The following STK32A variants were observed in gnomAD, a reference collection of about 807,000 sequenced individuals.
STK32A encodes the protein serine/threonine kinase 32A, also known as serine/threonine-protein kinase 32A.
A neutral mutation model predicts 53.2 loss-of-function variants in STK32A; 41 were observed. The ratio of observed to expected loss-of-function variants is 0.77; its 90% CI spans 0.60 to 1.00. The LOEUF is 1.00. STK32A is among the 50% of genes least tolerant of loss of function. The probability of loss-of-function intolerance (pLI) is 0.00; values close to 1 mark genes in which losing one functional copy is unlikely to be tolerated. For synonymous variants in STK32A, 166 were observed against 162.8 expected (o/e 1.02, Z -0.15); for missense variants, 458 against 485.8 (o/e 0.94, Z 0.54).
intron 7 of STK32A, among the ~76,000 whole-genome samples, chr5:147,358,116 A>G (rs746746456): frequency 2.0e-5 from 3 of 152,086 alleles, no homozygotes; most frequent in Non-Finnish European, 4.4e-5. Flanking sequence ...ACCAAAATTT[A>G]ATACCCACGT....
chr5:147,329,739 A>C (rs1183736150), intron 5 of STK32A, among the ~76,000 whole-genome samples: 1 of 152,192 alleles, frequency 6.6e-6, no homozygotes, highest in Non-Finnish European at 1.5e-5. Context: ...TTCTATATAA[A>C]AAGCTGTCTC....
At chr5:147,344,272 G>A (rs929726439) in intron 6 of STK32A, among the ~76,000 whole-genome samples, 1 of 152,138 alleles carries the variant, frequency 6.6e-6, no homozygotes, top group Non-Finnish European at 1.5e-5. Flanking sequence ...TGCTCAGGGG[G>A]CTAAGAAACA....
At chr5:147,394,702 C>T in the STK32A span, among the ~76,000 whole-genome samples, 1 of 151,446 alleles carries the variant, frequency 6.6e-6, no homozygotes, top group African/African-American at 2.4e-5. Context: ...AAGGCAAAAA[C>T]TTTGAAAAAA....
Position 147,350,036 on chromosome 5 carries a change from G to A in STK32A, c.473-1029G>A, listed in dbSNP as rs142851271. 1.2e-3 allele frequency among the ~76,000 whole-genome samples: 188 copies of A among 151,830 alleles called. 1 individual carries two copies. Among genetic ancestry groups the A allele is most frequent in the African/African-American group, 4.3e-3 (178 of 41,400 alleles). The stretch of plus-strand genomic sequence containing the variant: ...TGAGGCAGGAGAATCACTTGAACCC[G>A]GGAGGCGGAGATTGCAGTGAGCCGA... On this transcript the variant is annotated intron_variant, in intron 6 of 12. Coordinates refer to ENST00000397936, the MANE Select transcript of STK32A (RefSeq NM_001112724.2).
At chr5:147,280,421 G>T (rs1396351035) in intron 4 of STK32A, among the ~76,000 whole-genome samples, 4 of 102,068 alleles carry the variant, frequency 3.9e-5, no homozygotes, top group Non-Finnish European at 6.2e-5. Flanking sequence ...GGGGAGGGGG[G>T]TTGGGGATGG....
intron 4 of STK32A, among the ~76,000 whole-genome samples, chr5:147,314,534 A>C (rs1250274293): frequency 2.2e-5 from 3 of 137,348 alleles, no homozygotes; most frequent in East Asian, 2.1e-4. Context: ...AAACAAAAAA[A>C]AAAAAAGAAC....
chr5:147,336,877 C>A (rs1271190143), intron 5 of STK32A, among the ~76,000 whole-genome samples: 2 of 152,124 alleles, frequency 1.3e-5, no homozygotes, highest in Non-Finnish European at 2.9e-5. Flanking sequence ...ATCTGAGAGA[C>A]TGTTATGTGG....
At chr5:147,364,131 C>G (rs1285237943) in intron 8 of STK32A, among the ~76,000 whole-genome samples, 1 of 147,624 alleles carries the variant, frequency 6.8e-6, no homozygotes, top group Non-Finnish European at 1.5e-5. Flanking sequence ...AGGAGAATCA[C>G]TTGAACCTGG....
intron 7 of STK32A, among the ~76,000 whole-genome samples, chr5:147,360,541 T>C (rs894126480): frequency 6.6e-6 from 1 of 151,866 alleles, no homozygotes; most frequent in African/African-American, 2.4e-5. Context: ...TTGTTCTGCT[T>C]TTGCTGTTTC....
intron 4 of STK32A, among the ~76,000 whole-genome samples, chr5:147,310,515 C>T (rs1380520218): frequency 1.3e-5 from 2 of 152,190 alleles, no homozygotes; most frequent in Admixed American, 6.5e-5. Context: ...CGCCGGGCAC[C>T]TCTCCCACGC....
chr5:147,394,080 G>A, the STK32A span: 8 of 1,614,154 alleles, frequency 5.0e-6, no homozygotes, highest in Admixed American at 8.3e-5. Context: ...GGGGCGCCAC[G>A]ATGCGCTTGC....
chr5:147,394,292 T>C, the STK32A span, among the ~76,000 whole-genome samples: 1 of 152,320 alleles, frequency 6.6e-6, no homozygotes. Flanking sequence ...TTCTAGACTT[T>C]TCTTATGGCC....
intron 2 of STK32A, among the ~76,000 whole-genome samples, chr5:147,270,221 A>T (rs564448791): frequency 9.2e-5 from 14 of 152,124 alleles, no homozygotes; most frequent in Non-Finnish European, 1.9e-4. Context: ...TACTGAAAAA[A>T]AATCTGAGAC....
At chr5:147,252,609 G>A (rs575652693) in intron 2 of STK32A, among the ~76,000 whole-genome samples, 1 of 152,248 alleles carries the variant, frequency 6.6e-6, no homozygotes, top group East Asian at 1.9e-4. Flanking sequence ...TACAATTATA[G>A]AAGGAATGCA....
chr5:147,271,212 A>G (rs1208235206), intron 2 of STK32A, among the ~76,000 whole-genome samples: 3 of 152,188 alleles, frequency 2.0e-5, no homozygotes, highest in East Asian at 3.8e-4. Context: ...TAATACTTTT[A>G]TAATTTCTTA....
At chr5:147,395,439 A>T in the STK32A span, 1 of 1,232,976 alleles carries the variant, frequency 8.1e-7, no homozygotes, top group Non-Finnish European at 1.1e-6. Context: ...CCTAAAGTTG[A>T]CACCAGTGCT....
chr5:147,332,605 G>A (rs1196492048), intron 5 of STK32A, among the ~76,000 whole-genome samples: 1 of 152,084 alleles, frequency 6.6e-6, no homozygotes, highest in Non-Finnish European at 1.5e-5. Context: ...TCTGTGGAGT[G>A]CTTAAGAAAA....
At position 147,373,261 on chromosome 5, in the gene STK32A, T is replaced by C. The variant is rs776161157; in HGVS notation, c.870T>C (p.Phe290=). The C allele has an allele frequency of 6.2e-6, 10 of 1,613,302 alleles. No homozygotes were observed. The African/African-American group carries it at 6.7e-5, about 11-fold the overall frequency. Residue 290 remains phenylalanine (F), a synonymous_variant, in exon 10 of 13, where the codon TTT becomes TTC. Coordinates refer to ENST00000397936, the MANE Select transcript of STK32A (RefSeq NM_001112724.2). ...YMNDINWDAV[F]QKRLIPGFIP... ...ATGATATAAACTGGGATGCAGTTTT[T>C]CAGAAGAGGCTCATTCCAGGTTTCA...
the STK32A span, chr5:147,393,940 G>T: frequency 7.9e-7 from 1 of 1,269,178 alleles, no homozygotes; most frequent in Non-Finnish European, 1.1e-6. Flanking sequence ...GATCACAACC[G>T]TTTGGATTCG....
Sources: gnomAD v4.1 joint callset for allele counts (sites outside exome capture counted in the v4.1 genomes callset) on GRCh38, gnomAD v4.1.1 for gene constraint, MANE v1.5 for transcripts, NCBI Gene and HGNC (gene_info 2026-07-23, HGNC 2026-07-21) for gene names.